The following CCDC170 variants were observed in gnomAD, a reference collection of about 807,000 sequenced individuals.
CCDC170 encodes coiled-coil domain-containing protein 170.
Under a neutral mutation model 72.6 loss-of-function variants are expected in CCDC170, and 69 were observed. That is an observed-to-expected ratio of 0.95 (90% CI 0.78 to 1.16). The LOEUF (loss-of-function observed/expected upper bound fraction) is 1.16. Among genes scored for constraint, CCDC170 ranks in the 50% most tolerant of loss-of-function variants. The pLI, the probability that CCDC170 is intolerant of heterozygous loss-of-function variation, is 0.00. For synonymous variants in CCDC170, 300 were observed against 303.9 expected (o/e 0.99, Z 0.13); for missense variants, 852 against 832.5 (o/e 1.02, Z -0.29).
intron 1 of CCDC170, among the ~76,000 whole-genome samples, chr6:151,521,411 A>G (rs1391663112): frequency 6.6e-6 from 1 of 151,024 alleles, no homozygotes; most frequent in East Asian, 2.0e-4. Context: ...GAAAGAAAAT[A>G]ATAAAAATCT....
At chr6:151,519,482 T>C (rs1225517040) in intron 1 of CCDC170, among the ~76,000 whole-genome samples, 1 of 152,236 alleles carries the variant, frequency 6.6e-6, no homozygotes, top group Non-Finnish European at 1.5e-5. Context: ...TACAATCAAT[T>C]TGTACAGATA....
At position 151,544,564 on chromosome 6, in the gene CCDC170, C is replaced by G; in HGVS notation, c.444-8C>G. The G allele has an allele frequency of 1.2e-6, 2 of 1,604,542 alleles. No individual in the cohort carries two copies. The highest frequency in any genetic ancestry group is 2.2e-5 in the South Asian group (2 of 90,476). ...TAAATTCTGACTTATTTGTTATTTG[C>G]CTAACAGAAAGTGTTCAAAAGAAAA... On this transcript the variant is annotated splice_polypyrimidine_tract_variant and splice_region_variant and intron_variant, in intron 3 of 10. Coordinates refer to ENST00000239374, the MANE Select transcript of CCDC170 (RefSeq NM_025059.4).
chr6:151,605,529 G>A (rs1776769709), intron 9 of CCDC170, among the ~76,000 whole-genome samples: 1 of 152,136 alleles, frequency 6.6e-6, no homozygotes, highest in Admixed American at 6.5e-5. Flanking sequence ...TTTCCCTTCA[G>A]GCACTCAAAG....
At chr6:151,582,229 C>T (rs1303782344) in intron 6 of CCDC170, among the ~76,000 whole-genome samples, 1 of 152,210 alleles carries the variant, frequency 6.6e-6, no homozygotes, top group African/African-American at 2.4e-5. Flanking sequence ...TTGGTGTCGC[C>T]ACCTTCATCA....
At chr6:151,525,023 C>G (rs1782382062) in intron 1 of CCDC170, among the ~76,000 whole-genome samples, 1 of 151,176 alleles carries the variant, frequency 6.6e-6, no homozygotes, top group African/African-American at 2.4e-5. Context: ...AACTCCGCCT[C>G]CCAGGTTCAC....
chr6:151,606,580 G>A (rs762832985), intron 9 of CCDC170, among the ~76,000 whole-genome samples: 1 of 152,192 alleles, frequency 6.6e-6, no homozygotes, highest in Non-Finnish European at 1.5e-5. Flanking sequence ...CTGATGAGAA[G>A]AGCATGTATT....
chr6:151,617,931 C>T lies in CCDC170; in HGVS notation c.1948-16C>T, dbSNP rs774860081. The T allele has an allele frequency of 1.8e-5, 29 of 1,607,928 alleles. 1 individual carries two copies. The South Asian group carries it at 3.0e-4, about 17-fold the overall frequency. On this transcript the variant is annotated splice_polypyrimidine_tract_variant and intron_variant, in intron 10 of 10. Transcript: ENST00000239374. ...TTTTGTTCTCCCAGTTAATGAGTTT[C>T]TGTTTGATATTGCAGCTGGCAGACT...
At chr6:151,570,008 GA>G (rs1776196194) in intron 5 of CCDC170, among the ~76,000 whole-genome samples, 1 of 152,160 alleles carries the variant, frequency 6.6e-6, no homozygotes, top group Non-Finnish European at 1.5e-5. Flanking sequence ...GGTTTAAAAA[GA>G]AAACGTTCTT....
intron 9 of CCDC170, among the ~76,000 whole-genome samples, chr6:151,613,851 C>T (rs889552146): frequency 3.6e-4 from 55 of 152,258 alleles, no homozygotes; most frequent in Admixed American, 1.0e-3. Flanking sequence ...CTTGCCCATA[C>T]GCCTAGGAAT....
chr6:151,533,242 G>A (rs1483764304), intron 1 of CCDC170, among the ~76,000 whole-genome samples: 1 of 151,414 alleles, frequency 6.6e-6, no homozygotes, highest in Non-Finnish European at 1.5e-5. Context: ...TTTTAGTAGA[G>A]ACGGGGTTTC....
At chr6:151,526,331 C>T (rs1370662230) in intron 1 of CCDC170, among the ~76,000 whole-genome samples, 2 of 151,856 alleles carry the variant, frequency 1.3e-5, no homozygotes, top group African/African-American at 4.8e-5. Flanking sequence ...AAGTCATTCT[C>T]CTGCCTCAGC....
chr6:151,606,094 G>A (rs939056194), intron 9 of CCDC170, among the ~76,000 whole-genome samples: 9 of 152,020 alleles, frequency 5.9e-5, no homozygotes, highest in African/African-American at 9.7e-5. Flanking sequence ...TAGAGACGGG[G>A]TTTCAGCATT....
chr6:151,601,669 A>T (rs978232700), intron 9 of CCDC170, among the ~76,000 whole-genome samples: 1 of 152,202 alleles, frequency 6.6e-6, no homozygotes, highest in East Asian at 1.9e-4. Flanking sequence ...GACTAGCAGG[A>T]TGGGCTGACA....
At chr6:151,557,171 G>C (rs949504830) in intron 5 of CCDC170, among the ~76,000 whole-genome samples, 1 of 152,122 alleles carries the variant, frequency 6.6e-6, no homozygotes, top group African/African-American at 2.4e-5. Flanking sequence ...CACTTTGGGA[G>C]GCCAAGGCGG....
chr6:151,544,827 A>C, intron 4 of CCDC170, 111 bp downstream of exon 4: 1 of 1,002,116 alleles, frequency 1.0e-6, no homozygotes, highest in Non-Finnish European at 1.5e-6. Flanking sequence ...GGCACAGTAG[A>C]CCAAGTGTAG....
Position 151,582,986 on chromosome 6 carries a change from C to CTTTTTT in CCDC170, c.1093-2884_1093-2879dup, listed in dbSNP as rs35947074. Among the ~76,000 whole-genome samples, 19 of 94,234 alleles carry CTTTTTT rather than the reference C, an allele frequency of 2.0e-4. 1 individual carries two copies. Among genetic ancestry groups the CTTTTTT allele is most frequent in the East Asian group, 3.6e-4 (1 of 2,760 alleles). The allele number at this position is 94,234 out of a possible 152,430, so 61.8% of individuals were successfully genotyped here. On this transcript the variant is annotated intron_variant, in intron 6 of 10. Transcript: ENST00000239374. ...TATCAGTGTGTTTACTGGAGTAGCACTTTTTTTTTTTTTTTTTTTTTTTTG... is the reference window on the plus strand; with the variant it reads ...TATCAGTGTGTTTACTGGAGTAGCACTTTTTTTTTTTTTTTTTTTTTTTTTTTTTTG...
At chr6:151,553,265 G>A (rs1023790247) in intron 5 of CCDC170, among the ~76,000 whole-genome samples, 1 of 152,200 alleles carries the variant, frequency 6.6e-6, no homozygotes, top group South Asian at 2.1e-4. Flanking sequence ...AAATGGCAAA[G>A]CTAGGATTTG....
chr6:151,617,528 G>A (rs950871680), intron 10 of CCDC170, among the ~76,000 whole-genome samples: 1 of 138,162 alleles, frequency 7.2e-6, no homozygotes, highest in African/African-American at 2.7e-5. Flanking sequence ...ACCAACATTT[G>A]TTTAGTTCTT....
intron 9 of CCDC170, among the ~76,000 whole-genome samples, chr6:151,612,474 T>C (rs1463332260): frequency 6.6e-6 from 1 of 152,152 alleles, no homozygotes. Flanking sequence ...ACATTCTCAT[T>C]CCCCTTTCTC....
Sources: allele counts gnomAD v4.1 joint callset (sites outside exome capture counted in the v4.1 genomes callset), GRCh38; gene constraint gnomAD v4.1.1; transcripts MANE v1.5; gene names NCBI Gene and HGNC (gene_info 2026-07-23, HGNC 2026-07-21).